CRADD: variants seen among roughly 807,000 people sequenced by gnomAD.
CRADD encodes the protein CARD and death domain containing adaptor protein, also known as death domain-containing protein CRADD.
CRADD carries 9 observed loss-of-function variants against 15.5 expected under a neutral mutation model. The observed-to-expected ratio is 0.58, with a 90% CI of 0.35 to 1.01. CRADD has a LOEUF of 1.01. Among genes scored for constraint, CRADD ranks in the 50% least tolerant of loss-of-function variants. The pLI, the probability that CRADD is intolerant of heterozygous loss-of-function variation, is 0.02. For missense variants in CRADD, 227 were observed against 250.3 expected, an observed-to-expected ratio of 0.91 and a Z score of 0.63; for synonymous variants, 118 against 107.6, an observed-to-expected ratio of 1.10 and a Z score of -0.60.
At chr12:93,718,877 A>G (rs1956210615) in intron 2 of CRADD, among the ~76,000 whole-genome samples, 1 of 151,696 alleles carries the variant, frequency 6.6e-6, no homozygotes, top group Non-Finnish European at 1.5e-5. Context: ...CTGCCACTTC[A>G]GTCTTCCAAG....
At chr12:93,744,491 G>A (rs145553113) in intron 2 of CRADD, among the ~76,000 whole-genome samples, 2 of 152,222 alleles carry the variant, frequency 1.3e-5, no homozygotes, top group Non-Finnish European at 1.5e-5. Context: ...GGCTAATCTC[G>A]CTAGTCAACT....
intron 2 of CRADD, among the ~76,000 whole-genome samples, chr12:93,790,364 T>G (rs1323067277): frequency 3.3e-5 from 5 of 152,070 alleles, no homozygotes; most frequent in Non-Finnish European, 7.4e-5. Context: ...TAATGCTAAA[T>G]GACGAGTTAA....
intron 2 of CRADD, among the ~76,000 whole-genome samples, chr12:93,764,179 AC>A (rs1957000921): frequency 9.1e-6 from 1 of 110,218 alleles, no homozygotes; most frequent in Non-Finnish European, 1.9e-5. Flanking sequence ...GACATGATCA[AC>A]TTTTTTTTTT....
In CRADD at chr12:93,763,701, T is replaced by G. The variant is rs1476583227; in HGVS notation, c.298+84629T>G. Reference sequence around the variant, plus strand: ...AATTGGGAAGACATTGTCTTCTTGCTTTTTGCAGAGGCAACATTTTTATTA... The same window carrying G: ...AATTGGGAAGACATTGTCTTCTTGCGTTTTGCAGAGGCAACATTTTTATTA... On this transcript the variant is annotated intron_variant, in intron 2 of 2. Coordinates refer to ENST00000332896, the MANE Select transcript of CRADD (RefSeq NM_003805.5). Among the ~76,000 whole-genome samples, 7 of 152,326 alleles carry G rather than the reference T, an allele frequency of 4.6e-5. 1 individual carries two copies. The highest frequency in any genetic ancestry group is 3.4e-3 in the Middle Eastern group (1 of 294).
intron 2 of CRADD, among the ~76,000 whole-genome samples, chr12:93,752,835 G>A (rs545120653): frequency 1.3e-5 from 2 of 152,252 alleles, no homozygotes; most frequent in East Asian, 3.9e-4. Flanking sequence ...AAAGGAAGAG[G>A]TTTATTGGAC....
At chr12:93,814,578 A>G (rs1044789969) in intron 2 of CRADD, among the ~76,000 whole-genome samples, 4 of 152,222 alleles carry the variant, frequency 2.6e-5, no homozygotes, top group African/African-American at 9.6e-5. Context: ...GAAGTGTTGC[A>G]ACTAGCACAA....
At chr12:93,811,653 A>G (rs1373483477) in intron 2 of CRADD, among the ~76,000 whole-genome samples, 1 of 152,254 alleles carries the variant, frequency 6.6e-6, no homozygotes, top group African/African-American at 2.4e-5. Flanking sequence ...GGTAAAATAC[A>G]TACATTGAAA....
chr12:93,708,904 T>C (rs1285798290), intron 2 of CRADD: 1 of 152,708 alleles, frequency 6.5e-6, no homozygotes, highest in African/African-American at 2.4e-5. Context: ...ACCAGCAGAT[T>C]AGGTGTCTGG....
intron 2 of CRADD, among the ~76,000 whole-genome samples, chr12:93,823,989 C>T (rs1957797168): frequency 6.6e-6 from 1 of 152,170 alleles, no homozygotes; most frequent in African/African-American, 2.4e-5. Context: ...AACACAGTGA[C>T]CCAAACTGAC....
chr12:93,832,810 C>T (rs555821068), intron 2 of CRADD, among the ~76,000 whole-genome samples: 23 of 152,248 alleles, frequency 1.5e-4, no homozygotes, highest in African/African-American at 2.6e-4. Flanking sequence ...TTCACATATA[C>T]GACTTCTATA....
At chr12:93,789,542 G>T (rs1237331313) in intron 2 of CRADD, among the ~76,000 whole-genome samples, 2 of 152,156 alleles carry the variant, frequency 1.3e-5, no homozygotes, top group Non-Finnish European at 2.9e-5. Flanking sequence ...AAAAAATCAT[G>T]TATCTTTAAA....
intron 2 of CRADD, among the ~76,000 whole-genome samples, chr12:93,721,205 A>G (rs1206625572): frequency 2.6e-5 from 4 of 152,124 alleles, no homozygotes; most frequent in Non-Finnish European, 5.9e-5. Context: ...GCTGGGATTA[A>G]CAGATGTGAG....
intron 2 of CRADD, among the ~76,000 whole-genome samples, chr12:93,833,339 A>G (rs980361335): frequency 6.6e-6 from 1 of 152,012 alleles, no homozygotes; most frequent in Non-Finnish European, 1.5e-5. Context: ...CTAAGTTTTT[A>G]TTTATATTTA....
chr12:93,801,389 A>T (rs1345940656), intron 2 of CRADD, among the ~76,000 whole-genome samples: 1 of 151,932 alleles, frequency 6.6e-6, no homozygotes, highest in Non-Finnish European at 1.5e-5. Flanking sequence ...CTTAGGCCCT[A>T]TTTTATTTTA....
At chr12:93,733,437 G>A (rs1956505541) in intron 2 of CRADD, 1 of 152,352 alleles carries the variant, frequency 6.6e-6, no homozygotes, top group African/African-American at 2.4e-5. Flanking sequence ...AGAAGAAGCA[G>A]GAAAAGGCAG....
intron 2 of CRADD, among the ~76,000 whole-genome samples, chr12:93,790,971 C>A (rs1185233412): frequency 6.6e-6 from 1 of 150,614 alleles, no homozygotes; most frequent in East Asian, 2.0e-4. Context: ...ACTAATCACT[C>A]CCCACCCCCC....
intron 2 of CRADD, among the ~76,000 whole-genome samples, chr12:93,771,724 G>A (rs1337347328): frequency 6.6e-6 from 1 of 152,148 alleles, no homozygotes; most frequent in African/African-American, 2.4e-5. Context: ...TGAAGTAGAA[G>A]ACAGATAATA....
chr12:93,771,469 A>G (rs965199309), intron 2 of CRADD, among the ~76,000 whole-genome samples: 4 of 152,162 alleles, frequency 2.6e-5, no homozygotes, highest in African/African-American at 9.6e-5. Flanking sequence ...CCTATTACTT[A>G]ATAATTGCTC....
intron 2 of CRADD, among the ~76,000 whole-genome samples, chr12:93,727,590 A>C (rs1475893531): frequency 6.6e-6 from 1 of 152,206 alleles, no homozygotes; most frequent in Non-Finnish European, 1.5e-5. Context: ...CAGGCCAGTT[A>C]GCAACTGAAG....
Sources: allele counts gnomAD v4.1 joint callset (sites outside exome capture counted in the v4.1 genomes callset), GRCh38; gene constraint gnomAD v4.1.1; transcripts MANE v1.5; gene names NCBI Gene and HGNC (gene_info 2026-07-23, HGNC 2026-07-21).